The following ASIC2 variants were observed in gnomAD, a reference collection of about 807,000 sequenced individuals.
ASIC2 encodes acid sensing ion channel subunit 2, also known as acid-sensing ion channel 2.
A neutral mutation model predicts 57.3 loss-of-function variants in ASIC2; 25 were observed. That is an observed-to-expected ratio of 0.44 (90% CI 0.32 to 0.61). ASIC2 has a LOEUF of 0.61. Ranked by LOEUF, ASIC2 falls within the 20% of genes least tolerant of loss-of-function variation. The pLI is 0.06. For synonymous variants in ASIC2, 319 were observed against 307.5 expected (o/e 1.04, Z -0.39); for missense variants, 641 against 738.1 (o/e 0.87, Z 1.52).
chr17:33,087,946 A>G (rs1030602034), intron 3 of ASIC2, among the ~76,000 whole-genome samples: 1 of 152,178 alleles, frequency 6.6e-6, no homozygotes, highest in African/African-American at 2.4e-5. Flanking sequence ...CATTTGAGCC[A>G]AATTTTAAAA....
chr17:33,529,385 C>T (rs899696866), intron 1 of ASIC2, among the ~76,000 whole-genome samples: 4 of 152,100 alleles, frequency 2.6e-5, no homozygotes, highest in Admixed American at 1.3e-4. Flanking sequence ...TGGTACAGAG[C>T]GCGTTTCTTC....
chr17:33,974,788 A>G (rs1567775259), intron 1 of ASIC2, among the ~76,000 whole-genome samples: 1 of 151,714 alleles, frequency 6.6e-6, no homozygotes, highest in Non-Finnish European at 1.5e-5. Context: ...ATCCATTCAC[A>G]TCTGTGTCTA....
At chr17:34,042,649 G>A (rs1265291296) in intron 1 of ASIC2, among the ~76,000 whole-genome samples, 1 of 152,132 alleles carries the variant, frequency 6.6e-6, no homozygotes, top group Non-Finnish European at 1.5e-5. Context: ...TGCTGTGATG[G>A]TTTCATCCAT....
At chr17:33,259,848 G>A (rs1909216100) in intron 1 of ASIC2, among the ~76,000 whole-genome samples, 2 of 152,156 alleles carry the variant, frequency 1.3e-5, no homozygotes, top group African/African-American at 2.4e-5. Flanking sequence ...GAATGCTCTG[G>A]TTTGTGGGTC....
intron 1 of ASIC2, among the ~76,000 whole-genome samples, chr17:33,130,220 T>C (rs901303010): frequency 6.6e-6 from 1 of 152,174 alleles, no homozygotes; most frequent in Non-Finnish European, 1.5e-5. Flanking sequence ...TCAATGTACA[T>C]GAATTTTTGC....
chr17:33,448,174 T>C (rs190352748), intron 1 of ASIC2, among the ~76,000 whole-genome samples: 3 of 152,276 alleles, frequency 2.0e-5, no homozygotes, highest in African/African-American at 7.2e-5. Flanking sequence ...CCTACGTCTC[T>C]TTATGTTTCC....
At chr17:34,067,937 T>C (rs1909233593) in intron 1 of ASIC2, among the ~76,000 whole-genome samples, 1 of 152,188 alleles carries the variant, frequency 6.6e-6, no homozygotes, top group African/African-American at 2.4e-5. Context: ...CATTATCCTG[T>C]TAGTCCAGCT....
chr17:33,697,547 G>C (rs1908565229), intron 1 of ASIC2, among the ~76,000 whole-genome samples: 1 of 152,164 alleles, frequency 6.6e-6, no homozygotes, highest in South Asian at 2.1e-4. Context: ...TGACTGATAT[G>C]GTTGATGAGA....
chr17:34,095,057 C>G (rs1910467779), intron 1 of ASIC2, among the ~76,000 whole-genome samples: 1 of 152,188 alleles, frequency 6.6e-6, no homozygotes, highest in Non-Finnish European at 1.5e-5. Context: ...CATGTCCCAC[C>G]CCTGGGTCTT....
At chr17:33,584,577 CA>C (rs1904550350) in intron 1 of ASIC2, among the ~76,000 whole-genome samples, 1 of 152,104 alleles carries the variant, frequency 6.6e-6, no homozygotes, top group African/African-American at 2.4e-5. Context: ...TGACTTGGCA[CA>C]GGTGAGGCAG....
chr17:33,640,281 G>T (rs1316227624), intron 1 of ASIC2, among the ~76,000 whole-genome samples: 2 of 152,166 alleles, frequency 1.3e-5, no homozygotes, highest in Admixed American at 1.3e-4. Flanking sequence ...TCTAGAAAGA[G>T]AGTATTTAGA....
At chr17:33,259,998 T>G (rs1909221044) in intron 1 of ASIC2, among the ~76,000 whole-genome samples, 1 of 152,116 alleles carries the variant, frequency 6.6e-6, no homozygotes, top group Admixed American at 6.5e-5. Flanking sequence ...ATTGGCTGAG[T>G]GCGGTGGTGC....
At chr17:33,229,649 G>GTACAGC (rs1908016182) in intron 1 of ASIC2, among the ~76,000 whole-genome samples, 1 of 152,204 alleles carries the variant, frequency 6.6e-6, no homozygotes, top group Non-Finnish European at 1.5e-5. Context: ...ACATGAAACG[G>GTACAGC]TACAGCTCAT....
At chr17:33,550,459 C>T (rs1915718681) in intron 1 of ASIC2, among the ~76,000 whole-genome samples, 1 of 152,210 alleles carries the variant, frequency 6.6e-6, no homozygotes, top group South Asian at 2.1e-4. Context: ...AGTGATGTCA[C>T]AGGACCCTCA....
chr17:34,093,018 T>C (rs1431349372), intron 1 of ASIC2, among the ~76,000 whole-genome samples: 1 of 152,254 alleles, frequency 6.6e-6, no homozygotes, highest in Non-Finnish European at 1.5e-5. Context: ...TTTATCTGTG[T>C]TGACATATGC....
intron 1 of ASIC2, chr17:34,069,353 T>C (rs1185471903): frequency 2.8e-5 from 1 of 36,302 alleles, no homozygotes; most frequent in African/African-American, 1.1e-4. Context: ...TTTTTTTCTT[T>C]CTTTTTCTTT....
Position 33,867,675 on chromosome 17 carries a change from G to C in ASIC2, c.555+288303C>G, listed in dbSNP as rs368622006. On this transcript the variant is annotated intron_variant, in intron 1 of 9. Transcript: ENST00000359872. ...CTACTGGGGAGATTTCTCTCCTTGG[G>C]TAAATGCAGCAGTGTTTTGGAGCCC... Among the ~76,000 whole-genome samples, 156 of 152,336 alleles carry C rather than the reference G, an allele frequency of 1.0e-3. 2 individuals carry two copies. The South Asian group carries it at 0.031, about 30-fold the overall frequency.
chr17:33,789,503 C>G (rs1045338010), intron 1 of ASIC2, among the ~76,000 whole-genome samples: 1 of 151,334 alleles, frequency 6.6e-6, no homozygotes, highest in Non-Finnish European at 1.5e-5. Flanking sequence ...CACACACACA[C>G]GTGCAGCATT....
rs142922956 is a variant in ASIC2, at chr17:33,046,533, T to G, written c.988-18141A>C. Among the ~76,000 whole-genome samples, 179 of 152,168 alleles carry G rather than the reference T, an allele frequency of 1.2e-3. 1 individual carries two copies. The East Asian group carries it at 0.033, about 28-fold the overall frequency. ...GGAGTGGGTGCTGGGTGTGTGTGTGTGGGGAGCTGAATACAGGGGAAGCCT... is the reference window on the plus strand; with the variant it reads ...GGAGTGGGTGCTGGGTGTGTGTGTGGGGGGAGCTGAATACAGGGGAAGCCT... On this transcript the variant is annotated intron_variant, in intron 3 of 9. Transcript: ENST00000225823.
Sources: allele counts gnomAD v4.1 joint callset (sites outside exome capture counted in the v4.1 genomes callset), GRCh38; gene constraint gnomAD v4.1.1; transcripts MANE v1.5; gene names NCBI Gene and HGNC (gene_info 2026-07-23, HGNC 2026-07-21).